TLK2: variants seen among roughly 807,000 people sequenced by gnomAD.
The protein encoded by TLK2 is tousled like kinase 2.
Under a neutral mutation model 117.3 loss-of-function variants are expected in TLK2, and 6 were observed. That is an observed-to-expected ratio of 0.05 (90% CI 0.03 to 0.10). The LOEUF is 0.10. Among genes scored for constraint, TLK2 ranks in the 10% least tolerant of loss-of-function variants. The pLI, the probability that TLK2 is intolerant of heterozygous loss-of-function variation, is 1.00. For synonymous variants in TLK2, 257 were observed against 316.7 expected (o/e 0.81, Z 2.00); for missense variants, 299 against 901.2 (o/e 0.33, Z 8.56).
chr17:62,511,850 A>G (rs1439072361), intron 2 of TLK2, among the ~76,000 whole-genome samples: 1 of 152,176 alleles, frequency 6.6e-6, no homozygotes, highest in East Asian at 1.9e-4. Context: ...GTTTTTGGCT[A>G]TTATGAACAA....
intron 2 of TLK2, among the ~76,000 whole-genome samples, chr17:62,514,527 C>G (rs867836242): frequency 3.3e-5 from 5 of 149,896 alleles, no homozygotes; most frequent in African/African-American, 7.4e-5. Context: ...GTTTCAAAAA[C>G]TTTTTAATTG....
intron 12 of TLK2, among the ~76,000 whole-genome samples, chr17:62,574,758 C>A (rs1323203247): frequency 1.3e-5 from 2 of 152,114 alleles, no homozygotes; most frequent in Admixed American, 6.5e-5. Flanking sequence ...TCAAATGATC[C>A]ACCCTCCTCG....
At chr17:62,569,430 C>A (rs960888460) in intron 11 of TLK2, among the ~76,000 whole-genome samples, 1 of 137,846 alleles carries the variant, frequency 7.3e-6, no homozygotes, top group African/African-American at 2.7e-5. Flanking sequence ...ACTGGAAATA[C>A]GTGCTTTTTT....
chr17:62,590,374 G>C (rs1371093247), intron 16 of TLK2, among the ~76,000 whole-genome samples: 21 of 152,114 alleles, frequency 1.4e-4, no homozygotes, highest in Admixed American at 1.4e-3. Flanking sequence ...AGGAGGCAGA[G>C]GTTGTGGTGA....
chr17:62,560,104 G>A lies in TLK2; in HGVS notation c.809G>A (p.Ser270Asn), dbSNP rs1351640967. ...CGATTAAATAGATGTGTGACAATGA[G>A]CAAGAAACTCCTTATAGAAAAGGTT... ...KERLNRCVTM[S>N]KKLLIEKSKQ... The change falls in exon 10 of 22, where the codon AGC becomes AAC. Residue 270 changes from serine to asparagine, a missense_variant. Physicochemically the swap from Ser to Asn is conservative, Grantham distance 46. This residue lies in a region of TLK2 where 94 missense variants were observed against 282.6 expected (regional missense o/e 0.33). Coordinates refer to ENST00000346027, the MANE Select transcript of TLK2 (RefSeq NM_006852.6). 1 of 1,609,060 alleles carries A rather than the reference G, an allele frequency of 6.2e-7. No homozygotes were observed. Among genetic ancestry groups the A allele is most frequent in the Admixed American group, 1.7e-5 (1 of 59,550 alleles).
intron 7 of TLK2, chr17:62,549,905 G>C (rs1339574162): frequency 6.6e-6 from 1 of 150,430 alleles, no homozygotes; most frequent in Non-Finnish European, 1.5e-5. Context: ...TCTGATCTTA[G>C]CTGATCCACC....
In TLK2 at chr17:62,612,539, G is replaced by T; in HGVS notation, c.2227G>T (p.Ala743Ser). Residue 743 changes from alanine to serine, a missense_variant, in exon 22 of 22, where the codon GCG becomes TCG. By Grantham distance (99) the Ala-to-Ser change is moderately conservative. This residue lies in a region of TLK2 where 19 missense variants were observed against 29.2 expected (regional missense o/e 0.65). Transcript: ENST00000346027. ...AGAAIASTSGASNNSSSN is the reference protein window; with the variant it reads ...AGAAIASTSGSSNNSSSN ...AGCTGCTATTGCATCAACCTCTGGGGCGTCCAATAACAGTTCTTCTAATTG... is the reference window on the plus strand; with the variant it reads ...AGCTGCTATTGCATCAACCTCTGGGTCGTCCAATAACAGTTCTTCTAATTG... The T allele has an allele frequency of 1.9e-6, 3 of 1,613,810 alleles. No homozygotes were observed. The highest frequency in any genetic ancestry group is 3.3e-5 in the Admixed American group (2 of 59,946).
intron 11 of TLK2, among the ~76,000 whole-genome samples, chr17:62,572,089 G>A (rs2080347697): frequency 6.6e-6 from 1 of 151,186 alleles, no homozygotes; most frequent in Admixed American, 6.6e-5. Context: ...AGAATCACTT[G>A]AACTTGGGAG....
rs534202077 is a variant in TLK2, at chr17:62,540,400, A to ATTTTTTTTTTTTTTTTT, written c.531+4070_531+4086dup. 6.8e-3 allele frequency among the ~76,000 whole-genome samples: 136 copies of ATTTTTTTTTTTTTTTTT among 19,950 alleles called. 27 individuals carry two copies. The highest frequency in any genetic ancestry group is 0.03 in the East Asian group (4 of 132). 13.1% of individuals were successfully genotyped at this position (19,950 alleles called of 152,430 possible). ...ATTTTACCTTCAAAATATGTTCAGA[A>ATTTTTTTTTTTTTTTTT]TTTTTTTTTTTTTTTTTTTTTTTGA... On this transcript the variant is annotated intron_variant, in intron 7 of 21. Coordinates refer to ENST00000346027, the MANE Select transcript of TLK2 (RefSeq NM_006852.6).
intron 11 of TLK2, among the ~76,000 whole-genome samples, chr17:62,571,368 G>T (rs1297371884): frequency 6.6e-6 from 1 of 151,800 alleles, no homozygotes; most frequent in Non-Finnish European, 1.5e-5. Flanking sequence ...ATACTATATT[G>T]TTTATGGAAT....
rs2144764397 is a variant in TLK2 at position 62,494,112 on chromosome 17, C to G, written c.81+12906C>G. 2.0e-5 allele frequency among the ~76,000 whole-genome samples: 3 copies of G among 152,280 alleles called. No individual in the cohort carries two copies. The South Asian group carries it at 6.2e-4, about 32-fold the overall frequency. On this transcript the variant is annotated intron_variant, in intron 2 of 21. Transcript: ENST00000346027. ...TTTTGTTTTGTTTTTGAGACAGAGT[C>G]TCACTCTGTTGCCTAGGCTGGAGTG...
intron 2 of TLK2, among the ~76,000 whole-genome samples, chr17:62,508,183 T>TC (rs2074869726): frequency 6.7e-6 from 1 of 150,228 alleles, no homozygotes; most frequent in Non-Finnish European, 1.5e-5. Context: ...TTTTTTTTTT[T>TC]TTTTGAGTCT....
intron 11 of TLK2, 100 bp downstream of exon 11, chr17:62,565,237 C>T: frequency 7.8e-6 from 11 of 1,407,152 alleles, no homozygotes; most frequent in South Asian, 2.9e-5. Flanking sequence ...TATTGGTAGT[C>T]ATCTTTTCAG....
chr17:62,570,705 G>A (rs2146564656), intron 11 of TLK2, among the ~76,000 whole-genome samples: 1 of 152,280 alleles, frequency 6.6e-6, no homozygotes, highest in African/African-American at 2.4e-5. Flanking sequence ...AGAATGTGCA[G>A]TTTAGGATTT....
At chr17:62,606,457 G>T (rs1267518773) in intron 20 of TLK2, among the ~76,000 whole-genome samples, 1 of 152,114 alleles carries the variant, frequency 6.6e-6, no homozygotes, top group Non-Finnish European at 1.5e-5. Flanking sequence ...AGTTCTGCGG[G>T]GCTGTTAAAA....
chr17:62,552,529 A>G, intron 8 of TLK2, 132 bp downstream of exon 8: 5 of 1,450,748 alleles, frequency 3.4e-6, no homozygotes, highest in Non-Finnish European at 4.6e-6. Context: ...TGTGTATTAT[A>G]TTCATAACTT....
chr17:62,479,890 A>G (rs529962297), intron 1 of TLK2, among the ~76,000 whole-genome samples: 13 of 152,326 alleles, frequency 8.5e-5, no homozygotes, highest in Non-Finnish European at 1.3e-4. Flanking sequence ...TCCGACCTCG[A>G]TTAGGGCAGG....
intron 16 of TLK2, among the ~76,000 whole-genome samples, chr17:62,595,436 A>G (rs2082402203): frequency 6.6e-6 from 1 of 152,160 alleles, no homozygotes; most frequent in African/African-American, 2.4e-5. Flanking sequence ...GCTAGACTTT[A>G]ATATGGCTGG....
At chr17:62,588,811 A>T (rs1366921064) in intron 16 of TLK2, among the ~76,000 whole-genome samples, 2 of 152,232 alleles carry the variant, frequency 1.3e-5, no homozygotes, top group African/African-American at 2.4e-5. Flanking sequence ...ACAAAATGTC[A>T]TTAACTGCTT....
Sources: allele counts gnomAD v4.1 joint callset (sites outside exome capture counted in the v4.1 genomes callset), GRCh38; gene constraint gnomAD v4.1.1; regional missense constraint gnomAD v4.1.1; transcripts MANE v1.5; gene names NCBI Gene and HGNC (gene_info 2026-07-23, HGNC 2026-07-21).